The following ZEB1 variants were observed in gnomAD, a reference collection of about 807,000 sequenced individuals.
ZEB1 encodes the protein zinc finger E-box-binding homeobox 1.
A neutral mutation model predicts 84.9 loss-of-function variants in ZEB1; 21 were observed. The ratio of observed to expected loss-of-function variants is 0.25; its 90% CI spans 0.18 to 0.36. The LOEUF (loss-of-function observed/expected upper bound fraction) is 0.36. Among genes scored for constraint, ZEB1 ranks in the 10% least tolerant of loss-of-function variants. The pLI, the probability that ZEB1 is intolerant of heterozygous loss-of-function variation, is 1.00. For synonymous variants in ZEB1, 420 were observed against 471.1 expected (o/e 0.89, Z 1.41); for missense variants, 1,104 against 1,330.2 (o/e 0.83, Z 2.65).
intron 2 of ZEB1, among the ~76,000 whole-genome samples, chr10:31,477,143 C>T (rs2064327811): frequency 1.3e-5 from 2 of 151,774 alleles, no homozygotes; most frequent in Non-Finnish European, 2.9e-5. Flanking sequence ...TGATGACATG[C>T]CCCCATACCT....
At chr10:31,444,277 AAATT>A (rs1026036850) in intron 1 of ZEB1, among the ~76,000 whole-genome samples, 1 of 114,992 alleles carries the variant, frequency 8.7e-6, no homozygotes, top group Admixed American at 9.2e-5. Flanking sequence ...TTTTTCTTGT[AAATT>A]TGTTTGAGTT....
At chr10:31,490,277 T>C (rs74664793) in intron 2 of ZEB1, among the ~76,000 whole-genome samples, 11,831 of 151,654 alleles carry the variant, frequency 0.078, 610 homozygotes, top group Non-Finnish European at 0.12. Flanking sequence ...CAGTTTTTTT[T>C]CTGCACTACA....
At chr10:31,443,036 CAT>C (rs1437831174) in intron 1 of ZEB1, among the ~76,000 whole-genome samples, 3 of 152,082 alleles carry the variant, frequency 2.0e-5, no homozygotes, top group African/African-American at 7.2e-5. Flanking sequence ...GATTAGCCAG[CAT>C]AGAGATTTTG....
At chr10:31,452,743 GA>G (rs869202064) in intron 1 of ZEB1, among the ~76,000 whole-genome samples, 1 of 44,054 alleles carries the variant, frequency 2.3e-5, no homozygotes, top group Admixed American at 3.0e-4. Context: ...GTGTGTGTGT[GA>G]GAGAGAGAGA....
At position 31,455,414 on chromosome 10, in the gene ZEB1, G is replaced by T. The variant is rs1445147011; in HGVS notation, c.59-5623G>T. Among the ~76,000 whole-genome samples the T allele has an allele frequency of 9.2e-5, 14 of 152,286 alleles. No homozygotes were observed. In the South Asian group the frequency reaches 1.9e-3, roughly 20 times the overall value. On this transcript the variant is annotated intron_variant, in intron 1 of 8. Transcript: ENST00000424869. ...AACAGAAGCCAAAATTGACAAATGG[G>T]ATCTAATTAAACTAAAGAGCTTCTG... is the stretch of plus-strand genomic sequence containing the variant.
At chr10:31,487,202 A>G (rs1157849321) in intron 2 of ZEB1, among the ~76,000 whole-genome samples, 2 of 151,360 alleles carry the variant, frequency 1.3e-5, no homozygotes, top group Middle Eastern at 3.4e-3. Flanking sequence ...TATTTCTCTA[A>G]TTTTATTTTT....
chr10:31,395,091 AG>A (rs1335964180), intron 1 of ZEB1, among the ~76,000 whole-genome samples: 1 of 152,218 alleles, frequency 6.6e-6, no homozygotes, highest in Non-Finnish European at 1.5e-5. Flanking sequence ...TTTCTGATAC[AG>A]TTAAGGCATC....
At chr10:31,327,099 C>CTTTTTTTTTTTTTTTTTTT (rs71527629) in intron 1 of ZEB1, among the ~76,000 whole-genome samples, 24 of 84,928 alleles carry the variant, frequency 2.8e-4, no homozygotes, top group African/African-American at 4.1e-4. Context: ...CTTTTCTTTT[C>CTTTTTTTTTTTTTTTTTTT]TTTTTTTTTT....
At chr10:31,449,020 C>G (rs948531809) in intron 1 of ZEB1, among the ~76,000 whole-genome samples, 1 of 152,210 alleles carries the variant, frequency 6.6e-6, no homozygotes, top group Non-Finnish European at 1.5e-5. Context: ...GCCTCGCTGC[C>G]GCCTTGCAGT....
chr10:31,326,364 A>C (rs551898982), intron 1 of ZEB1, among the ~76,000 whole-genome samples: 4 of 152,102 alleles, frequency 2.6e-5, no homozygotes. Context: ...ATTTGCTCCT[A>C]TTGCTACATC....
chr10:31,391,523 A>C (rs1000949981), intron 1 of ZEB1, among the ~76,000 whole-genome samples: 3 of 152,074 alleles, frequency 2.0e-5, no homozygotes, highest in Admixed American at 1.3e-4. Context: ...TTTATGTAAG[A>C]ATCTGATTTT....
intron 1 of ZEB1, chr10:31,389,539 A>G (rs935591881): frequency 4.6e-5 from 7 of 150,986 alleles, no homozygotes; most frequent in African/African-American, 4.9e-5. Context: ...CTCTTTACCT[A>G]CTCTGGTAGC....
intron 2 of ZEB1, among the ~76,000 whole-genome samples, chr10:31,492,867 C>G (rs1038538500): frequency 6.6e-6 from 1 of 151,838 alleles, no homozygotes; most frequent in Non-Finnish European, 1.5e-5. Context: ...CTAAAAAGAA[C>G]AAGCCATAAG....
chr10:31,476,925 T>C (rs1158346180), intron 2 of ZEB1, among the ~76,000 whole-genome samples: 1 of 151,852 alleles, frequency 6.6e-6, no homozygotes, highest in African/African-American at 2.4e-5. Flanking sequence ...ATAGTAAGAA[T>C]CATATATGAC....
intron 8 of ZEB1, among the ~76,000 whole-genome samples, 187 bp from the exon 9 acceptor site, chr10:31,526,485 A>G (rs1002996777): frequency 6.6e-6 from 1 of 152,086 alleles, no homozygotes; most frequent in African/African-American, 2.4e-5. Context: ...GTAGAGCACT[A>G]CGTTTTTTAA....
rs199505637 is a variant in ZEB1 at position 31,376,519 on chromosome 10, AAACG to A, written c.58+57228_58+57231del. ...AACACATGCATATTATATACATTAT[AAACG>A]TCATTTAAGACAATTATATGAAGCA... On this transcript the variant is annotated intron_variant, in intron 1 of 8. Transcript: ENST00000424869. Among the ~76,000 whole-genome samples, 3 of 151,924 alleles carry A rather than the reference AAACG, an allele frequency of 2.0e-5. No individual in the cohort carries two copies. The East Asian group carries it at 5.8e-4, about 29-fold the overall frequency.
intron 2 of ZEB1, among the ~76,000 whole-genome samples, chr10:31,486,845 C>G (rs2065828023): frequency 6.6e-6 from 1 of 151,374 alleles, no homozygotes. Flanking sequence ...GTGTCATGTG[C>G]AGGAACTCTG....
chr10:31,377,347 G>A (rs887359629), intron 1 of ZEB1, among the ~76,000 whole-genome samples: 1 of 151,718 alleles, frequency 6.6e-6, no homozygotes, highest in East Asian at 1.9e-4. Flanking sequence ...ATGTGAGACT[G>A]CTCTGCCACT....
At chr10:31,402,767 C>G (rs1220036658) in intron 1 of ZEB1, among the ~76,000 whole-genome samples, 1 of 151,900 alleles carries the variant, frequency 6.6e-6, no homozygotes, top group Admixed American at 6.6e-5. Context: ...GGAGATTAAA[C>G]TTTCCTGACT....
Sources: gnomAD v4.1 joint callset for allele counts (sites outside exome capture counted in the v4.1 genomes callset) on GRCh38, gnomAD v4.1.1 for gene constraint, MANE v1.5 for transcripts, NCBI Gene and HGNC (gene_info 2026-07-23, HGNC 2026-07-21) for gene names.